The following PIK3R5 variants were observed in gnomAD, a reference collection of about 807,000 sequenced individuals.
The protein encoded by PIK3R5 is phosphoinositide 3-kinase regulatory subunit 5.
A neutral mutation model predicts 94.9 loss-of-function variants in PIK3R5; 32 were observed. The ratio of observed to expected loss-of-function variants is 0.34; its 90% CI spans 0.25 to 0.45. PIK3R5 has a LOEUF of 0.45. Among genes scored for constraint, PIK3R5 ranks in the 20% least tolerant of loss-of-function variants. The probability of loss-of-function intolerance (pLI) is 1.00; values close to 1 mark genes in which losing one functional copy is unlikely to be tolerated. For missense variants in PIK3R5, 853 were observed against 1,144.6 expected (o/e 0.75, Z 3.68); for synonymous variants, 443 against 479.4 (o/e 0.92, Z 0.99).
At chr17:8,905,834 T>A (rs1220083001) in intron 3 of PIK3R5, 97 bp from the exon 4 acceptor site, 3 of 471,564 alleles carry the variant, frequency 6.4e-6, no homozygotes, top group East Asian at 8.6e-5. Context: ...AGCCTTTCTT[T>A]TTTTTTTTTT....
In PIK3R5 at chr17:8,887,612, C is replaced by T. The variant is rs267605109; in HGVS notation, c.1688G>A (p.Arg563Gln). Reference protein sequence around the residue: ...KLQFFYVPVKRSHGTSPGACP... With the variant: ...KLQFFYVPVKQSHGTSPGACP... Reference sequence around the variant, plus strand: ...GGCACCAGGGCTGGTCCCATGACTTCGCTTCACAGGCACGTAGAAGAACTG... The same window carrying T: ...GGCACCAGGGCTGGTCCCATGACTTTGCTTCACAGGCACGTAGAAGAACTG... The change falls in exon 11 of 19, where the codon CGA becomes CAA. Residue 563 changes from arginine to glutamine, a missense_variant. Physicochemically the swap from Arg to Gln is conservative, Grantham distance 43 (BLOSUM62 1). Around this residue, in one of 6 missense-constraint regions of PIK3R5, gnomAD observed 319 missense variants for 339.8 expected, o/e 0.94. Transcript: ENST00000447110. 11 of 1,610,248 alleles carry T rather than the reference C, an allele frequency of 6.8e-6. 1 individual carries two copies. The highest frequency in any genetic ancestry group is 4.4e-5 in the South Asian group (4 of 90,326).
At chr17:8,913,499 G>C (rs1435232593) in intron 1 of PIK3R5, among the ~76,000 whole-genome samples, 3 of 152,180 alleles carry the variant, frequency 2.0e-5, no homozygotes, top group Non-Finnish European at 4.4e-5. Context: ...TTGAGGTCAG[G>C]ATTTCGAATC....
Position 8,911,730 on chromosome 17 carries a change from A to C in PIK3R5, c.-13-223T>G. ...GCAGGACAGAGCACCCCTGCAGCAGAACGGGACAGAGGTGTGGGAAGTAAG... is the reference window on the plus strand; with the variant it reads ...GCAGGACAGAGCACCCCTGCAGCAGCACGGGACAGAGGTGTGGGAAGTAAG... On this transcript the variant is annotated intron_variant, in intron 1 of 18. Coordinates refer to ENST00000447110, the MANE Select transcript of PIK3R5 (RefSeq NM_001142633.3). This position sits in a 1 kb window ranked among gnomAD's most constrained non-coding sequence, Gnocchi z 5.3. 1 of 504,914 alleles carries C rather than the reference A, an allele frequency of 2.0e-6. No individual in the cohort carries two copies. Among genetic ancestry groups the C allele is most frequent in the South Asian group, 2.3e-5 (1 of 44,194 alleles). 31.3% of individuals were successfully genotyped at this position (504,914 alleles called of 1,614,324 possible). A position where few individuals can be genotyped will look rare whatever the true frequency, so the allele number is the denominator to read the frequency against.
chr17:8,892,287 A>T lies in PIK3R5; in HGVS notation c.482+1299T>A, dbSNP rs1242931044. Among the ~76,000 whole-genome samples, 1 of 152,174 alleles carries T rather than the reference A, an allele frequency of 6.6e-6. No homozygotes were observed. Among genetic ancestry groups the T allele is most frequent in the Non-Finnish European group, 1.5e-5 (1 of 68,024 alleles). ...TCACTTTGATTTCTCTATCTGTAAG[A>T]AAAAGGAGGTGGGCTTGTATAAGCA... On this transcript the variant is annotated intron_variant, in intron 6 of 18. Coordinates refer to ENST00000447110, the MANE Select transcript of PIK3R5 (RefSeq NM_001142633.3). This position sits in a 1 kb window ranked among gnomAD's most constrained non-coding sequence, Gnocchi z 4.3.
At chr17:8,901,761 A>G (rs1269377284) in intron 5 of PIK3R5, among the ~76,000 whole-genome samples, 1 of 152,194 alleles carries the variant, frequency 6.6e-6, no homozygotes, top group Non-Finnish European at 1.5e-5. Context: ...TGAGCTCAGT[A>G]ACTATTTCTA....
rs2089999355 is a variant in PIK3R5 at position 8,890,642 on chromosome 17, A to C, written c.657+96T>G. 9.0e-7 allele frequency: 1 copy of C among 1,107,412 alleles called. No homozygotes were observed. Among genetic ancestry groups the C allele is most frequent in the Non-Finnish European group, 1.3e-6 (1 of 783,662 alleles). 68.6% of individuals were successfully genotyped at this position (1,107,412 alleles called of 1,614,324 possible). ...CATGTCACCTGGGTGCAGGAGACTA[A>C]GTGTACCCTGGAGACCGTGGCTGAG... On this transcript the variant is annotated intron_variant, in intron 7 of 18. Transcript: ENST00000447110. This position sits in a 1 kb window ranked among gnomAD's most constrained non-coding sequence, Gnocchi z 6.1.
At chr17:8,932,640 G>A (rs1031610907) in intron 1 of PIK3R5, among the ~76,000 whole-genome samples, 4 of 152,148 alleles carry the variant, frequency 2.6e-5, no homozygotes, top group African/African-American at 9.7e-5. Context: ...ACTGGACACT[G>A]CAAGAATAAG....
Position 8,925,999 on chromosome 17 carries a change from C to T in PIK3R5, c.-13-14492G>A, listed in dbSNP as rs996721244. Among the ~76,000 whole-genome samples the T allele has an allele frequency of 5.9e-5, 9 of 151,992 alleles. No homozygotes were observed. Among genetic ancestry groups the T allele is most frequent in the African/African-American group, 1.2e-4 (5 of 41,360 alleles). ...CACTGAGGCTGTGAACCATGTGAAG[C>T]GAGAAGAGTGAGGAGAACACCTCCA... On this transcript the variant is annotated intron_variant, in intron 1 of 18. Coordinates refer to ENST00000447110, the MANE Select transcript of PIK3R5 (RefSeq NM_001142633.3). The surrounding 1 kb of genome is among the most constrained non-coding windows in gnomAD (Gnocchi z 5.1).
chr17:8,894,328 C>T (rs981531457), intron 5 of PIK3R5, among the ~76,000 whole-genome samples: 2 of 152,208 alleles, frequency 1.3e-5, no homozygotes, highest in Non-Finnish European at 1.5e-5. Context: ...TCTCCCGGTC[C>T]GGGGTGCCTT....
rs1175720057 is a variant in PIK3R5, at chr17:8,890,689, A to G, written c.657+49T>C. 2.0e-6 allele frequency: 3 copies of G among 1,503,860 alleles called. No homozygotes were observed. The highest frequency in any genetic ancestry group is 9.1e-7 in the Non-Finnish European group (1 of 1,104,258). 93.2% of individuals were successfully genotyped at this position (1,503,860 alleles called of 1,614,324 possible). A position where few individuals can be genotyped will look rare whatever the true frequency, so the allele number is the denominator to read the frequency against. On this transcript the variant is annotated intron_variant, in intron 7 of 18. Transcript: ENST00000447110. This position sits in a 1 kb window ranked among gnomAD's most constrained non-coding sequence, Gnocchi z 6.1. Reference sequence around the variant, plus strand: ...TGAGATGAAGCAGGGAGAGGGTGCTACCTCCTCAGAGAGGTGCTCCACCAG... The same window carrying G: ...TGAGATGAAGCAGGGAGAGGGTGCTGCCTCCTCAGAGAGGTGCTCCACCAG...
intron 1 of PIK3R5, among the ~76,000 whole-genome samples, chr17:8,927,285 A>C (rs1461343857): frequency 6.6e-6 from 1 of 152,222 alleles, no homozygotes; most frequent in African/African-American, 2.4e-5. Flanking sequence ...GCCAAACTCC[A>C]CAGGGAAAAT....
intron 3 of PIK3R5, 123 bp downstream of exon 3, chr17:8,908,951 C>T (rs567879861): frequency 6.6e-5 from 41 of 624,814 alleles, no homozygotes; most frequent in African/African-American, 6.4e-4. Context: ...TCACAGGTTC[C>T]CAGGGCCTTT....
At chr17:8,902,745 T>A (rs1030656601) in intron 5 of PIK3R5, among the ~76,000 whole-genome samples, 1 of 152,186 alleles carries the variant, frequency 6.6e-6, no homozygotes, top group African/African-American at 2.4e-5. Flanking sequence ...ATTTTTCTTC[T>A]GTAGTTTTTG....
chr17:8,902,202 T>C (rs773197132), intron 5 of PIK3R5, among the ~76,000 whole-genome samples: 3 of 151,712 alleles, frequency 2.0e-5, no homozygotes, highest in Non-Finnish European at 4.4e-5. Context: ...ATTTGCCTAT[T>C]TCTTAATGGA....
intron 1 of PIK3R5, among the ~76,000 whole-genome samples, chr17:8,958,401 G>A (rs1403645997): frequency 2.0e-5 from 3 of 152,156 alleles, no homozygotes; most frequent in Non-Finnish European, 2.9e-5. Context: ...CTCAATATGT[G>A]GAAGCTAATG....
chr17:8,924,267 G>T (rs1400074943), intron 1 of PIK3R5, among the ~76,000 whole-genome samples: 1 of 148,766 alleles, frequency 6.7e-6, no homozygotes, highest in African/African-American at 2.5e-5. Context: ...TTTTGTAGAG[G>T]TGGGGTTTCA....
At chr17:8,926,121 G>A (rs2090879317) in intron 1 of PIK3R5, among the ~76,000 whole-genome samples, 1 of 152,190 alleles carries the variant, frequency 6.6e-6, no homozygotes, top group African/African-American at 2.4e-5. Flanking sequence ...TCCAAAACAA[G>A]CATGTTTCAA....
intron 1 of PIK3R5, among the ~76,000 whole-genome samples, chr17:8,962,888 C>A (rs1435983115): frequency 2.0e-5 from 3 of 152,242 alleles, no homozygotes; most frequent in Non-Finnish European, 4.4e-5. Flanking sequence ...CCCACCCCAT[C>A]TATATCTGAG....
intron 15 of PIK3R5, among the ~76,000 whole-genome samples, chr17:8,883,105 C>T (rs1419077083): frequency 6.6e-6 from 1 of 152,214 alleles, no homozygotes; most frequent in African/African-American, 2.4e-5. Flanking sequence ...CGTGGTGGCT[C>T]ATGCCTGTAA....
Sources: allele counts gnomAD v4.1 joint callset (sites outside exome capture counted in the v4.1 genomes callset), GRCh38; gene constraint gnomAD v4.1.1; regional missense constraint gnomAD v4.1.1; non-coding constraint Gnocchi (gnomAD v3.1); transcripts MANE v1.5; gene names NCBI Gene and HGNC (gene_info 2026-07-23, HGNC 2026-07-21).